ABCC9: variants seen among roughly 807,000 people sequenced by gnomAD.
The protein encoded by ABCC9 is ATP-binding cassette sub-family C member 9.
ABCC9 carries 95 observed loss-of-function variants against 188.3 expected under a neutral mutation model. That is an observed-to-expected ratio of 0.50 (90% CI 0.43 to 0.60). The LOEUF (loss-of-function observed/expected upper bound fraction) is 0.60. Ranked by LOEUF, ABCC9 falls within the 20% of genes least tolerant of loss-of-function variation. The pLI, the probability that ABCC9 is intolerant of heterozygous loss-of-function variation, is 0.00. For synonymous variants in ABCC9, 659 were observed against 652.7 expected, an observed-to-expected ratio of 1.01 and a Z score of -0.15; for missense variants, 1,102 against 1,876.3, an observed-to-expected ratio of 0.59 and a Z score of 7.62.
intron 21 of ABCC9, among the ~76,000 whole-genome samples, chr12:21,860,560 A>G (rs191180689): frequency 3.7e-4 from 57 of 152,338 alleles, no homozygotes; most frequent in African/African-American, 1.0e-3. Flanking sequence ...TATGACATCA[A>G]TGCAAAACAT....
intron 15 of ABCC9, among the ~76,000 whole-genome samples, chr12:21,884,075 CTT>C (rs201201740): frequency 0.35 from 52,015 of 146,978 alleles, 10,434 homozygotes; most frequent in Middle Eastern, 0.47. Context: ...AAATAATTAA[CTT>C]TTTTTTTTTT....
Position 21,906,232 on chromosome 12 carries a change from A to C in ABCC9, c.1512T>G (p.Leu504=). Residue 504 remains leucine, a synonymous_variant, in exon 12 of 40, where the codon CTT becomes CTG. Transcript: ENST00000261200. The stretch of plus-strand genomic sequence containing the variant: ...TGTGTTCCCAGGCATACAATTTTAG[A>C]AGTTTGATGCCTTTCAATATTTCAT... ...KTNEILKGIK[L]LKLYAWEHIF... 1 of 1,612,966 alleles carries C rather than the reference A, an allele frequency of 6.2e-7. No individual in the cohort carries two copies. The highest frequency in any genetic ancestry group is 8.5e-7 in the Non-Finnish European group (1 of 1,179,348).
chr12:21,859,688 A>G, intron 21 of ABCC9, 22 bp from the exon 22 acceptor site: 1 of 1,598,094 alleles, frequency 6.3e-7, no homozygotes, highest in Non-Finnish European at 8.6e-7. Context: ...ACACCCCCAA[A>G]TACCCATTTT....
At chr12:21,898,362 T>G (rs10841907) in intron 12 of ABCC9, among the ~76,000 whole-genome samples, 35,120 of 152,054 alleles carry the variant, frequency 0.23, 4,946 homozygotes, top group African/African-American at 0.39. Flanking sequence ...GAGAAGGATG[T>G]ATTGAAGGGG....
intron 31 of ABCC9, among the ~76,000 whole-genome samples, chr12:21,820,212 C>CT (rs1254311192): frequency 6.6e-6 from 1 of 151,644 alleles, no homozygotes; most frequent in East Asian, 1.9e-4. Flanking sequence ...AAATTAGTAC[C>CT]AGAAAATCCT....
chr12:21,807,979 G>A (rs1034205264), intron 37 of ABCC9, among the ~76,000 whole-genome samples: 43 of 151,798 alleles, frequency 2.8e-4, no homozygotes, highest in African/African-American at 9.9e-4. Flanking sequence ...CTAGTACTGC[G>A]GTATCTTACA....
chr12:21,928,461 A>AAAGG (rs200544460), intron 4 of ABCC9, among the ~76,000 whole-genome samples: 28 of 144,568 alleles, frequency 1.9e-4, no homozygotes, highest in South Asian at 7.0e-4. Flanking sequence ...AGGGAGGAAG[A>AAAGG]AAGGAAGGAA....
rs1468768907 is a variant in ABCC9, at chr12:21,926,071, G to C, written c.285-8C>G. On this transcript the variant is annotated splice_polypyrimidine_tract_variant and splice_region_variant and intron_variant, in intron 4 of 39. Transcript: ENST00000261200. Reference sequence around the variant, plus strand: ...TGCCTTGATTCCCGCCGCCTAGAAAGAGCAGTACGTCAACGCCTAAAGCTG... The same window carrying C: ...TGCCTTGATTCCCGCCGCCTAGAAACAGCAGTACGTCAACGCCTAAAGCTG... 1.2e-6 allele frequency: 2 copies of C among 1,613,902 alleles called. No individual in the cohort carries two copies. Among genetic ancestry groups the C allele is most frequent in the Non-Finnish European group, 1.7e-6 (2 of 1,179,966 alleles).
intron 29 of ABCC9, among the ~76,000 whole-genome samples, chr12:21,841,360 T>C (rs1336633003): frequency 3.8e-5 from 5 of 131,910 alleles, no homozygotes; most frequent in African/African-American, 5.8e-5. Context: ...TTTTTTTTTT[T>C]TTTTTTTTTT....
intron 5 of ABCC9, chr12:21,923,152 G>A (rs1191789588): frequency 1.3e-5 from 2 of 148,930 alleles, no homozygotes; most frequent in East Asian, 3.9e-4. Flanking sequence ...AAGAATCGTA[G>A]TCCTAAAAAT....
intron 22 of ABCC9, among the ~76,000 whole-genome samples, chr12:21,857,973 G>A (rs1266712007): frequency 6.6e-6 from 1 of 152,178 alleles, no homozygotes; most frequent in African/African-American, 2.4e-5. Context: ...CCTTAAAGGT[G>A]AGCAATGTAT....
At chr12:21,863,097 A>G in intron 19 of ABCC9, 43 bp from the exon 20 acceptor site, 1 of 1,281,220 alleles carries the variant, frequency 7.8e-7, no homozygotes, top group African/African-American at 1.5e-5. Flanking sequence ...GGATTATGCA[A>G]AGGTACTGTG....
intron 22 of ABCC9, among the ~76,000 whole-genome samples, chr12:21,856,947 C>A (rs1294508653): frequency 6.6e-6 from 1 of 152,184 alleles, no homozygotes; most frequent in Non-Finnish European, 1.5e-5. Context: ...GGATAAGTTT[C>A]CGCATTTAGC....
chr12:21,930,316 T>C (rs1161654581), intron 4 of ABCC9, among the ~76,000 whole-genome samples: 2 of 152,200 alleles, frequency 1.3e-5, no homozygotes, highest in Non-Finnish European at 2.9e-5. Flanking sequence ...TTCTGATATG[T>C]ATTGTAAAGT....
At chr12:21,838,579 C>T (rs747743018) in intron 29 of ABCC9, among the ~76,000 whole-genome samples, 16 of 152,106 alleles carry the variant, frequency 1.1e-4, no homozygotes, top group South Asian at 2.1e-4. Context: ...GAACAAGCAC[C>T]GGTGTCTGAA....
chr12:21,891,360 A>G (rs1298652265), intron 14 of ABCC9, among the ~76,000 whole-genome samples: 1 of 151,686 alleles, frequency 6.6e-6, no homozygotes, highest in Non-Finnish European at 1.5e-5. Context: ...CGAGCATTTT[A>G]TTATTTTAGA....
chr12:21,839,004 T>C lies in ABCC9; in HGVS notation c.3474-834A>G, dbSNP rs113704564. Among the ~76,000 whole-genome samples the C allele has an allele frequency of 7.2e-5, 11 of 152,286 alleles. 1 individual carries two copies. Among genetic ancestry groups the C allele is most frequent in the African/African-American group, 2.2e-4 (9 of 41,570 alleles). On this transcript the variant is annotated intron_variant, in intron 29 of 39. Coordinates refer to ENST00000261200, the MANE Select transcript of ABCC9 (RefSeq NM_020297.4). ...TCACTCCACCGCACTCCAGCCTGGG[T>C]GACAAAGCCTGACGCTGTCTCAAAA...
chr12:21,932,402 G>T (rs1296639818), intron 4 of ABCC9, among the ~76,000 whole-genome samples: 1 of 151,948 alleles, frequency 6.6e-6, no homozygotes, highest in Non-Finnish European at 1.5e-5. Context: ...TGCAACAAAA[G>T]CAAAAATTGA....
intron 30 of ABCC9, among the ~76,000 whole-genome samples, chr12:21,831,398 A>G (rs1943752902): frequency 6.6e-6 from 1 of 152,132 alleles, no homozygotes; most frequent in Non-Finnish European, 1.5e-5. Flanking sequence ...TAAGCAAGAC[A>G]TTATGCTAGA....
Sources: gnomAD v4.1 joint callset for allele counts (sites outside exome capture counted in the v4.1 genomes callset) on GRCh38, gnomAD v4.1.1 for gene constraint, MANE v1.5 for transcripts, NCBI Gene and HGNC (gene_info 2026-07-23, HGNC 2026-07-21) for gene names.